Variants in RUNDC3B observed in about 807,000 individuals in gnomAD.
RUNDC3B encodes the protein RUN domain-containing protein 3B.
In RUNDC3B, 33 loss-of-function variants were observed where a neutral mutation model predicts 58.4. That is an observed-to-expected ratio of 0.56 (90% CI 0.43 to 0.75). The LOEUF is 0.75. Ranked by LOEUF, RUNDC3B falls within the 30% of genes least tolerant of loss-of-function variation. The pLI is 0.00. For synonymous variants in RUNDC3B, 193 were observed against 195.2 expected (o/e 0.99, Z 0.10); for missense variants, 501 against 535.7 (o/e 0.94, Z 0.64).
intron 1 of RUNDC3B, among the ~76,000 whole-genome samples, chr7:87,638,980 G>A (rs1037355727): frequency 2.1e-4 from 32 of 151,732 alleles, no homozygotes; most frequent in South Asian, 2.1e-4. Context: ...GTGAAACCCC[G>A]TCTCTACTAA....
At chr7:87,707,529 C>T (rs566910133) in intron 3 of RUNDC3B, among the ~76,000 whole-genome samples, 2 of 152,096 alleles carry the variant, frequency 1.3e-5, no homozygotes, top group African/African-American at 4.8e-5. Context: ...CAAAAATTAG[C>T]CAGGTGTGGT....
chr7:87,725,864 T>A (rs956038953), intron 4 of RUNDC3B, among the ~76,000 whole-genome samples: 7 of 152,240 alleles, frequency 4.6e-5, no homozygotes, highest in African/African-American at 7.2e-5. Context: ...TTTTTTCATG[T>A]GTCTGTTGGC....
intron 2 of RUNDC3B, among the ~76,000 whole-genome samples, chr7:87,651,702 T>G (rs984775765): frequency 6.6e-6 from 1 of 152,134 alleles, no homozygotes; most frequent in African/African-American, 2.4e-5. Context: ...ACATAACTTA[T>G]GAGCATCTCA....
intron 2 of RUNDC3B, among the ~76,000 whole-genome samples, chr7:87,657,976 A>G (rs985714686): frequency 2.0e-5 from 3 of 152,180 alleles, no homozygotes; most frequent in African/African-American, 7.2e-5. Context: ...AGAGTTTCAT[A>G]ACATAATATA....
chr7:87,767,741 C>T (rs1834049480), intron 6 of RUNDC3B, among the ~76,000 whole-genome samples: 1 of 152,040 alleles, frequency 6.6e-6, no homozygotes, highest in East Asian at 1.9e-4. Context: ...GGGGGTAGTT[C>T]ATGATAGGAT....
intron 1 of RUNDC3B, among the ~76,000 whole-genome samples, chr7:87,645,970 A>G (rs1269515746): frequency 6.6e-6 from 1 of 152,176 alleles, no homozygotes; most frequent in East Asian, 1.9e-4. Flanking sequence ...ACTGACTTTG[A>G]TATAATAGAA....
intron 10 of RUNDC3B, among the ~76,000 whole-genome samples, chr7:87,819,501 AC>A (rs1837285742): frequency 6.6e-6 from 1 of 152,134 alleles, no homozygotes; most frequent in Non-Finnish European, 1.5e-5. Context: ...TAACAAGGAT[AC>A]CCAGGAATTG....
intron 10 of RUNDC3B, among the ~76,000 whole-genome samples, chr7:87,824,493 G>C (rs573454538): frequency 6.6e-6 from 1 of 152,182 alleles, no homozygotes; most frequent in South Asian, 2.1e-4. Flanking sequence ...CCTAGTCTTG[G>C]GTACGTCTTA....
intron 4 of RUNDC3B, among the ~76,000 whole-genome samples, chr7:87,715,258 T>TATAATTAATTTATAATAATTATAC (rs1440853687): frequency 7.5e-6 from 1 of 134,020 alleles, no homozygotes; most frequent in Non-Finnish European, 1.6e-5. Context: ...TTATATTATA[T>TATAATTAATTTATAATAATTATAC]ATAATTAATT....
At chr7:87,740,410 TA>T (rs1409700887) in intron 5 of RUNDC3B, among the ~76,000 whole-genome samples, 1 of 152,142 alleles carries the variant, frequency 6.6e-6, no homozygotes, top group Non-Finnish European at 1.5e-5. Flanking sequence ...TAACAAGTGC[TA>T]AAAATGGGCA....
chr7:87,815,531 A>G (rs1485553682), intron 9 of RUNDC3B, among the ~76,000 whole-genome samples: 1 of 152,118 alleles, frequency 6.6e-6, no homozygotes, highest in African/African-American at 2.4e-5. Context: ...AATATAATTA[A>G]CTTTTTATTA....
chr7:87,701,063 A>G (rs1313843040), intron 3 of RUNDC3B, among the ~76,000 whole-genome samples: 4 of 152,224 alleles, frequency 2.6e-5, no homozygotes, highest in Non-Finnish European at 4.4e-5. Context: ...TCTTTTTAAT[A>G]TCCTGAGTAA....
chr7:87,819,560 C>T (rs936844104), intron 10 of RUNDC3B, among the ~76,000 whole-genome samples: 2 of 152,124 alleles, frequency 1.3e-5, no homozygotes, highest in African/African-American at 4.8e-5. Context: ...ACAGAACTCT[C>T]CACCCCAAAT....
chr7:87,736,855 CTATATATATA>C (rs1554479935), intron 4 of RUNDC3B, among the ~76,000 whole-genome samples: 108 of 36,216 alleles, frequency 3.0e-3, no homozygotes, highest in African/African-American at 4.8e-3. Flanking sequence ...ATATATATAC[CTATATATATA>C]TATATATATA....
chr7:87,676,113 G>T (rs1444610345), intron 2 of RUNDC3B, among the ~76,000 whole-genome samples: 1 of 152,108 alleles, frequency 6.6e-6, no homozygotes, highest in Non-Finnish European at 1.5e-5. Context: ...TGTAGTCCCA[G>T]CTACTCATAA....
intron 3 of RUNDC3B, among the ~76,000 whole-genome samples, chr7:87,704,954 GC>G (rs1563148443): frequency 6.6e-6 from 1 of 152,168 alleles, no homozygotes. Context: ...GTGTCATTTT[GC>G]CTTGACACAT....
chr7:87,689,166 A>G (rs983696559), intron 2 of RUNDC3B, among the ~76,000 whole-genome samples: 12 of 152,090 alleles, frequency 7.9e-5, no homozygotes, highest in African/African-American at 1.7e-4. Flanking sequence ...TTATTGATAA[A>G]ATTATCTGAG....
Position 87,777,789 on chromosome 7 carries a change from G to A in RUNDC3B, c.799-9G>A, listed in dbSNP as rs751398140. 3 of 1,612,708 alleles carry A rather than the reference G, an allele frequency of 1.9e-6. No individual in the cohort carries two copies. Among genetic ancestry groups the A allele is most frequent in the East Asian group, 4.5e-5 (2 of 44,768 alleles). ...CAGTTTCTATATCTTGATGATACTG[G>A]ATTTCCAGGGTTACCTTGAAGAACT... On this transcript the variant is annotated splice_polypyrimidine_tract_variant and intron_variant, in intron 7 of 10. Transcript: ENST00000394654.
chr7:87,768,590 C>T (rs1407720530), intron 6 of RUNDC3B, among the ~76,000 whole-genome samples: 1 of 152,218 alleles, frequency 6.6e-6, no homozygotes, highest in East Asian at 1.9e-4. Context: ...CAGAATTGCC[C>T]AGGTTTGCAG....
Sources: gnomAD v4.1 joint callset for allele counts (sites outside exome capture counted in the v4.1 genomes callset) on GRCh38, gnomAD v4.1.1 for gene constraint, MANE v1.5 for transcripts, NCBI Gene and HGNC (gene_info 2026-07-23, HGNC 2026-07-21) for gene names.